CTXND1: variants seen among roughly 807,000 people sequenced by gnomAD.
CTXND1 encodes cortexin domain containing 1.
chr15:80,230,630 A>G (rs1028881248), intron 1 of CTXND1, among the ~76,000 whole-genome samples: 1 of 152,004 alleles, frequency 6.6e-6, no homozygotes, highest in Non-Finnish European at 1.5e-5. Context: ...GGAAGCTTAC[A>G]TCACTGATTT....
intron 1 of CTXND1, among the ~76,000 whole-genome samples, chr15:80,209,711 A>T (rs1893185211): frequency 6.6e-6 from 1 of 152,184 alleles, no homozygotes; most frequent in South Asian, 2.1e-4. Flanking sequence ...TTTAGGAAAA[A>T]ACTAGCAGCA....
At chr15:80,225,061 G>T (rs888657057) in intron 1 of CTXND1, among the ~76,000 whole-genome samples, 2 of 152,218 alleles carry the variant, frequency 1.3e-5, no homozygotes, top group Admixed American at 6.5e-5. Flanking sequence ...ATTTCTGAAT[G>T]CCTCACAATG....
intron 1 of CTXND1, among the ~76,000 whole-genome samples, chr15:80,229,794 G>A (rs1386207439): frequency 6.6e-6 from 1 of 152,102 alleles, no homozygotes; most frequent in Admixed American, 6.5e-5. Flanking sequence ...CTAGGGAGAA[G>A]GTTAGCTGCA....
At chr15:80,212,649 A>G (rs1280416138) in intron 1 of CTXND1, among the ~76,000 whole-genome samples, 3 of 152,182 alleles carry the variant, frequency 2.0e-5, no homozygotes, top group Admixed American at 6.5e-5. Flanking sequence ...AGTTATCCAG[A>G]AAAAAATATT....
chr15:80,247,548 T>C (rs1893647170), intron 1 of CTXND1, among the ~76,000 whole-genome samples: 1 of 151,978 alleles, frequency 6.6e-6, no homozygotes, highest in South Asian at 2.1e-4. Context: ...TAGGTCGAGA[T>C]CTGACCCTTG....
intron 1 of CTXND1, among the ~76,000 whole-genome samples, chr15:80,235,303 C>T (rs1260713108): frequency 6.6e-6 from 1 of 152,154 alleles, no homozygotes; most frequent in Non-Finnish European, 1.5e-5. Flanking sequence ...ATGTTTTTCT[C>T]TCCAGGTACC....
intron 1 of CTXND1, among the ~76,000 whole-genome samples, chr15:80,221,396 G>T (rs1453380310): frequency 6.6e-6 from 1 of 152,102 alleles, no homozygotes; most frequent in Admixed American, 6.6e-5. Flanking sequence ...TTATTGTAAA[G>T]AAATATTACT....
rs568072395 is a variant in CTXND1, at chr15:80,237,535, C to G, written c.-218+14472G>C. Among the ~76,000 whole-genome samples the G allele has an allele frequency of 4.6e-5, 7 of 151,970 alleles. No individual in the cohort carries two copies. The East Asian group carries it at 1.4e-3, about 29-fold the overall frequency. ...AGATATATTGATGCTCTTGTAGGCT[C>G]AGGCTCATGTGATTGTTTGTGTCTT... On this transcript the variant is annotated intron_variant, in intron 1 of 2. Coordinates refer to ENST00000560778, the MANE Select transcript of CTXND1 (RefSeq NM_001352888.2).
At chr15:80,213,838 A>G (rs902001991) in intron 1 of CTXND1, among the ~76,000 whole-genome samples, 4 of 152,198 alleles carry the variant, frequency 2.6e-5, no homozygotes, top group African/African-American at 4.8e-5. Context: ...AGCAACAGAA[A>G]GACATTTTCA....
chr15:80,249,431 T>G (rs1217451422), intron 1 of CTXND1, among the ~76,000 whole-genome samples: 1 of 152,234 alleles, frequency 6.6e-6, no homozygotes, highest in African/African-American at 2.4e-5. Context: ...TCATTTAACC[T>G]TGAGTAATTC....
At chr15:80,204,659 A>G (rs1285651343) in intron 1 of CTXND1, among the ~76,000 whole-genome samples, 1 of 147,110 alleles carries the variant, frequency 6.8e-6, no homozygotes, top group African/African-American at 2.6e-5. Flanking sequence ...ATATATATAT[A>G]TATATATATA....
intron 1 of CTXND1, among the ~76,000 whole-genome samples, chr15:80,208,142 A>G (rs1286028110): frequency 6.6e-6 from 1 of 150,438 alleles, no homozygotes; most frequent in East Asian, 1.9e-4. Flanking sequence ...TCACTGCAGT[A>G]TTGTAACAGT....
intron 1 of CTXND1, among the ~76,000 whole-genome samples, chr15:80,236,332 A>G (rs1455381263): frequency 6.6e-6 from 1 of 152,136 alleles, no homozygotes; most frequent in Non-Finnish European, 1.5e-5. Context: ...GTACAGTTCT[A>G]TGGGAACACA....
At chr15:80,207,245 A>C (rs957261285) in intron 1 of CTXND1, among the ~76,000 whole-genome samples, 10 of 150,692 alleles carry the variant, frequency 6.6e-5, no homozygotes, top group Non-Finnish European at 1.5e-4. Flanking sequence ...AGATACACTT[A>C]GACCTTTTCA....
At chr15:80,204,146 C>CAA (rs1173053524) in intron 1 of CTXND1, among the ~76,000 whole-genome samples, 31 of 2,144 alleles carry the variant, frequency 0.014, 2 homozygotes, top group South Asian at 0.14. Context: ...GACTGTGTCT[C>CAA]AAAAAAAAAA....
chr15:80,202,788 A>G (rs1252917899), intron 2 of CTXND1, among the ~76,000 whole-genome samples: 2 of 152,200 alleles, frequency 1.3e-5, no homozygotes, highest in East Asian at 3.8e-4. Context: ...ACTCCTGCTG[A>G]CGCCAGCACA....
At chr15:80,232,941 CTTTT>C (rs71455324) in intron 1 of CTXND1, among the ~76,000 whole-genome samples, 1 of 123,202 alleles carries the variant, frequency 8.1e-6, no homozygotes. Context: ...ATGCAACTTC[CTTTT>C]TTTTTTTTTT....
At chr15:80,202,832 A>C (rs1156638760) in intron 2 of CTXND1, among the ~76,000 whole-genome samples, 3 of 152,184 alleles carry the variant, frequency 2.0e-5, no homozygotes, top group Non-Finnish European at 4.4e-5. Context: ...TGGGAAGAAC[A>C]GTTTTGGCAG....
intron 1 of CTXND1, among the ~76,000 whole-genome samples, chr15:80,240,333 CCT>C (rs1893551317): frequency 6.6e-6 from 1 of 152,114 alleles, no homozygotes; most frequent in South Asian, 2.1e-4. Flanking sequence ...TGAATTTGCC[CCT>C]GTCCCTCATC....
Sources: gnomAD v4.1 joint callset for allele counts (sites outside exome capture counted in the v4.1 genomes callset) on GRCh38, gnomAD v4.1.1 for gene constraint, MANE v1.5 for transcripts, NCBI Gene and HGNC (gene_info 2026-07-23, HGNC 2026-07-21) for gene names.